The following DOCK3 variants were observed in gnomAD, a reference collection of about 807,000 sequenced individuals.
The protein encoded by DOCK3 is dedicator of cytokinesis protein 3.
DOCK3 carries 60 observed loss-of-function variants against 265.6 expected under a neutral mutation model. The observed-to-expected ratio is 0.23, with a 90% CI of 0.18 to 0.28. The LOEUF (loss-of-function observed/expected upper bound fraction) is 0.28, where lower values mean the gene tolerates loss of function less well. Among genes scored for constraint, DOCK3 ranks in the 10% least tolerant of loss-of-function variants. The pLI is 1.00. For synonymous variants in DOCK3, 881 were observed against 938.0 expected (o/e 0.94, Z 1.11); for missense variants, 1,981 against 2,594.3 (o/e 0.76, Z 5.14).
At chr3:50,783,865 G>A (rs540416797) in intron 2 of DOCK3, among the ~76,000 whole-genome samples, 1 of 147,746 alleles carries the variant, frequency 6.8e-6, no homozygotes, top group African/African-American at 2.5e-5. Context: ...TCCATCTTGA[G>A]TTGATTTTTT....
intron 2 of DOCK3, among the ~76,000 whole-genome samples, chr3:50,839,099 A>G (rs2045675359): frequency 6.6e-6 from 1 of 152,214 alleles, no homozygotes; most frequent in Admixed American, 6.5e-5. Context: ...TTATCATTAT[A>G]TGGTGTTAAA....
intron 1 of DOCK3, among the ~76,000 whole-genome samples, chr3:50,702,575 G>A (rs1034276895): frequency 1.3e-5 from 2 of 152,094 alleles, no homozygotes; most frequent in South Asian, 4.2e-4. Context: ...CACCATGTTG[G>A]TCAGGCTGGT....
chr3:50,970,929 ATATATATATATATATATAAT>A (rs2077199324), intron 5 of DOCK3, among the ~76,000 whole-genome samples: 1 of 71,416 alleles, frequency 1.4e-5, no homozygotes, highest in Non-Finnish European at 2.7e-5. Flanking sequence ...ATATATATAT[ATATATATATATATATATAAT>A]GTGTGTGTGT....
At chr3:50,899,615 C>T (rs1385273951) in intron 4 of DOCK3, among the ~76,000 whole-genome samples, 1 of 152,084 alleles carries the variant, frequency 6.6e-6, no homozygotes, top group Non-Finnish European at 1.5e-5. Context: ...TGGGTGGTAC[C>T]AGTTTTTCCT....
chr3:50,903,637 G>GT (rs1234814690), intron 4 of DOCK3, among the ~76,000 whole-genome samples: 1 of 151,996 alleles, frequency 6.6e-6, no homozygotes, highest in African/African-American at 2.4e-5. Context: ...TGTTTTTGTT[G>GT]TATCTCTGCC....
intron 9 of DOCK3, among the ~76,000 whole-genome samples, chr3:51,107,847 A>G (rs963253730): frequency 6.6e-6 from 1 of 152,102 alleles, no homozygotes; most frequent in South Asian, 2.1e-4. Flanking sequence ...CTCCCAGAAA[A>G]TACTTCACAA....
chr3:50,889,066 GGTGTGTGTGTGTGTGTGTGT>G (rs36180907), intron 3 of DOCK3, among the ~76,000 whole-genome samples: 7 of 134,190 alleles, frequency 5.2e-5, no homozygotes, highest in African/African-American at 1.4e-4. Context: ...TTAAGCCATG[GGTGTGTGTGTGTGTGTGTGT>G]GTGTGTGTGT....
intron 2 of DOCK3, chr3:50,788,166 G>A (rs2042282430): frequency 2.7e-6 from 2 of 748,978 alleles, no homozygotes; most frequent in South Asian, 2.2e-5. Flanking sequence ...AGTTCCTTGT[G>A]GCACCATGAT....
At chr3:51,347,571 G>A (rs1435613843) in intron 38 of DOCK3, among the ~76,000 whole-genome samples, 11 of 152,280 alleles carry the variant, frequency 7.2e-5, no homozygotes, top group Non-Finnish European at 1.0e-4. Context: ...GTCAGGTAGC[G>A]TGATGCCTCC....
intron 27 of DOCK3, among the ~76,000 whole-genome samples, chr3:51,297,880 A>C (rs2082181632): frequency 6.6e-6 from 1 of 152,008 alleles, no homozygotes; most frequent in South Asian, 2.1e-4. Flanking sequence ...TTCTTTATTC[A>C]AGAGACTGAG....
chr3:51,128,826 G>A (rs2084383503), intron 9 of DOCK3, among the ~76,000 whole-genome samples: 1 of 152,174 alleles, frequency 6.6e-6, no homozygotes, highest in Non-Finnish European at 1.5e-5. Flanking sequence ...CTAAGCCCAA[G>A]CGTAACCTCC....
intron 9 of DOCK3, among the ~76,000 whole-genome samples, chr3:51,105,732 G>A (rs1442887549): frequency 6.6e-6 from 1 of 152,170 alleles, no homozygotes; most frequent in Non-Finnish European, 1.5e-5. Flanking sequence ...CCGACATTGG[G>A]AAGATGGTTG....
chr3:51,374,850 G>A lies in DOCK3; in HGVS notation c.5412+263G>A, dbSNP rs563597846. Reference sequence around the variant, plus strand: ...GCTCATGTAGCTATCTGTCCTTCCCGCCAGATCCTGGACTCGTCATCCCTA... The same window carrying A: ...GCTCATGTAGCTATCTGTCCTTCCCACCAGATCCTGGACTCGTCATCCCTA... On this transcript the variant is annotated intron_variant, in intron 50 of 52. Transcript: ENST00000266037. The surrounding 1 kb of genome is among the most constrained non-coding windows in gnomAD (Gnocchi z 4.8). Among the ~76,000 whole-genome samples, 6 of 152,300 alleles carry A rather than the reference G, an allele frequency of 3.9e-5. No individual in the cohort carries two copies. The South Asian group carries it at 1.2e-3, about 32-fold the overall frequency.
In DOCK3 at chr3:50,777,995, CAG is replaced by C. The variant is rs2041702873; in HGVS notation, c.38-679_38-678del. Among the ~76,000 whole-genome samples the C allele has an allele frequency of 2.0e-5, 3 of 152,176 alleles. No individual in the cohort carries two copies. In the South Asian group the frequency reaches 6.2e-4, roughly 32 times the overall value. Reference sequence around the variant, plus strand: ...GGCATCCTTATCTTGTTCCAGTTCTCAGGGGGAATGCTTTCAACTTTTCCCCA... The same window carrying C: ...GGCATCCTTATCTTGTTCCAGTTCTCGGGGAATGCTTTCAACTTTTCCCCA... On this transcript the variant is annotated intron_variant, in intron 1 of 52. Coordinates refer to ENST00000266037, the MANE Select transcript of DOCK3 (RefSeq NM_004947.5).
rs781436875 is a variant in DOCK3 at position 51,246,730 on chromosome 3, C to G, written c.2107C>G (p.Leu703Val). The G allele has an allele frequency of 3.7e-6, 6 of 1,612,788 alleles. No homozygotes were observed. Among genetic ancestry groups the G allele is most frequent in the Non-Finnish European group, 5.1e-6 (6 of 1,179,386 alleles). Residue 703 changes from leucine to valine, a missense_variant, in exon 22 of 53, where the codon CTC (leucine) becomes GTC (valine). Physicochemically the swap from Leu to Val is conservative, Grantham distance 32. Coordinates refer to ENST00000266037, the MANE Select transcript of DOCK3 (RefSeq NM_004947.5). ...HFAGALAYKE[L>V]IRCLKWYMDC... ...TGGAACTGTTCTCTTTCCCAGGGAG[C>G]TCATCCGCTGTTTGAAGTGGTATAT...
rs747823858 is a variant in DOCK3 at position 51,312,493 on chromosome 3, T to C, written c.3111T>C (p.Phe1037=). The C allele has an allele frequency of 8.7e-6, 14 of 1,612,926 alleles. No homozygotes were observed. In the South Asian group the frequency reaches 9.9e-5, roughly 11 times the overall value. The change falls in exon 30 of 53, where the codon TTT becomes TTC. Residue 1037 remains phenylalanine (F), a synonymous_variant. Transcript: ENST00000266037. ...DFDFKVWNSY[F]SLAVLFINQP... is the part of the protein sequence containing the mutation. Reference sequence around the variant, plus strand: ...CTGTCTAGGTGTGGAATTCTTACTTTAGCCTGGCAGTTCTATTCATAAATC... The same window carrying C: ...CTGTCTAGGTGTGGAATTCTTACTTCAGCCTGGCAGTTCTATTCATAAATC...
At chr3:51,280,050 G>A (rs1054582865) in intron 26 of DOCK3, 56 bp from the exon 27 acceptor site, 6 of 1,455,224 alleles carry the variant, frequency 4.1e-6, no homozygotes, top group African/African-American at 1.4e-5. Context: ...TATGGATTGG[G>A]GGAACACAGC....
chr3:51,009,018 A>G (rs910028967), intron 5 of DOCK3, among the ~76,000 whole-genome samples: 18 of 152,032 alleles, frequency 1.2e-4, no homozygotes, highest in African/African-American at 4.1e-4. Context: ...GATTTGGTTT[A>G]CCAGTATTTT....
chr3:51,309,410 C>T (rs1475139365), intron 27 of DOCK3, among the ~76,000 whole-genome samples: 9 of 152,218 alleles, frequency 5.9e-5, no homozygotes, highest in Non-Finnish European at 8.8e-5. Context: ...AGCGAAACCC[C>T]GTCTCCACCA....
Sources: gnomAD v4.1 joint callset for allele counts (sites outside exome capture counted in the v4.1 genomes callset) on GRCh38, gnomAD v4.1.1 for gene constraint, Gnocchi (gnomAD v3.1) non-coding constraint, MANE v1.5 for transcripts, NCBI Gene and HGNC (gene_info 2026-07-23, HGNC 2026-07-21) for gene names.